CLASP2: variants seen among roughly 807,000 people sequenced by gnomAD.
The protein encoded by CLASP2 is cytoplasmic linker associated protein 2.
In CLASP2, 47 loss-of-function variants were observed where a neutral mutation model predicts 194.4. The observed-to-expected ratio is 0.24, with a 90% confidence interval of 0.19 to 0.31. CLASP2 has a LOEUF of 0.31. CLASP2 is among the 10% of genes least tolerant of loss of function. The pLI is 1.00. For missense variants in CLASP2, 1,445 were observed against 1,823.6 expected (o/e 0.79, Z 3.78); for synonymous variants, 619 against 633.5 (o/e 0.98, Z 0.34).
chr3:33,619,846 T>G (rs2076832428), intron 11 of CLASP2, 108 bp from the exon 12 acceptor site: 1 of 981,066 alleles, frequency 1.0e-6, no homozygotes, highest in African/African-American at 1.7e-5. Context: ...AATTTGTATT[T>G]TAATCAGTTG....
chr3:33,505,428 T>C (rs1444712677), intron 37 of CLASP2: 2 of 152,084 alleles, frequency 1.3e-5, no homozygotes, highest in Non-Finnish European at 2.9e-5. Flanking sequence ...TTTCAGTACA[T>C]GAAAAAGAAT....
At chr3:33,596,664 C>A in intron 19 of CLASP2, 47 bp downstream of exon 19, 1 of 1,344,300 alleles carries the variant, frequency 7.4e-7, no homozygotes, top group Non-Finnish European at 1.0e-6. Context: ...ATATAGAATC[C>A]AGGTTCCATA....
chr3:33,576,298 A>C, intron 23 of CLASP2, 23 bp from the exon 24 acceptor site: 1 of 1,583,634 alleles, frequency 6.3e-7, no homozygotes, highest in Admixed American at 1.7e-5. Context: ...AAGAAGGAAA[A>C]TAGATTTGAA....
chr3:33,667,977 T>C (rs917329804), intron 6 of CLASP2, among the ~76,000 whole-genome samples: 1 of 152,166 alleles, frequency 6.6e-6, no homozygotes, highest in African/African-American at 2.4e-5. Flanking sequence ...CCCAGCACTT[T>C]GGGAGGCTGA....
Position 33,717,969 on chromosome 3 carries a change from G to T in CLASP2, c.34C>A (p.Gln12Lys), listed in dbSNP as rs895184354. The change falls in exon 1 of 39, where the codon CAG (glutamine) becomes AAG (lysine). Residue 12 changes from glutamine to lysine, a missense_variant. This residue lies in a region of CLASP2 where 332 missense variants were observed against 325.3 expected (regional missense o/e 1.02). Coordinates refer to ENST00000682230, the MANE Select transcript of CLASP2 (RefSeq NM_001365631.1). ...CCGCCGACGTCCTTCTGCTGCACCT[G>T]GGCGCAGAAGTACTCCATGCTGCGG... The part of the protein sequence containing the change: ...EPRSMEYFCA[Q>K]VQQKDVGGRL... 14 of 1,541,256 alleles carry T rather than the reference G, an allele frequency of 9.1e-6. No homozygotes were observed. The highest frequency in any genetic ancestry group is 1.2e-5 in the Non-Finnish European group (14 of 1,145,738).
chr3:33,673,572 GATC>G (rs2087845360), intron 6 of CLASP2, among the ~76,000 whole-genome samples: 1 of 152,020 alleles, frequency 6.6e-6, no homozygotes, highest in Admixed American at 6.5e-5. Flanking sequence ...ATAATGACAG[GATC>G]AAATTCACAC....
At chr3:33,706,353 T>C (rs2092684671) in intron 1 of CLASP2, among the ~76,000 whole-genome samples, 1 of 152,228 alleles carries the variant, frequency 6.6e-6, no homozygotes, top group Non-Finnish European at 1.5e-5. Context: ...TATTTGAAGA[T>C]ATCTTCTTTT....
rs115396290 is a variant in CLASP2 at position 33,717,898 on chromosome 3, G to A, written c.105C>T (p.Pro35=). 5.8e-6 allele frequency: 9 copies of A among 1,555,320 alleles called. No individual in the cohort carries two copies. The South Asian group carries it at 5.9e-5, about 10-fold the overall frequency. ...GQELLLYLGA[P]GAISDLEEDL... ...CCTCCTCCAGGTCCGAGATGGCGCC[G>A]GGGGCGCCAAGGTAGAGCAGGAGCT... Residue 35 remains proline, a synonymous_variant, in exon 1 of 39, where the codon CCC becomes CCT. Transcript: ENST00000682230.
At chr3:33,587,376 G>A (rs1283478107) in intron 21 of CLASP2, among the ~76,000 whole-genome samples, 2 of 152,042 alleles carry the variant, frequency 1.3e-5, no homozygotes, top group African/African-American at 4.8e-5. Context: ...CGCCTGCCTC[G>A]GCCTCCCAAA....
At chr3:33,510,416 G>C (rs1188235253) in intron 37 of CLASP2, 142 bp downstream of exon 37, 2 of 722,850 alleles carry the variant, frequency 2.8e-6, no homozygotes, top group Non-Finnish European at 4.6e-6. Flanking sequence ...CCCCTGGCTA[G>C]TTATGAAAAG....
chr3:33,670,700 C>A (rs2086997820), intron 6 of CLASP2, among the ~76,000 whole-genome samples: 1 of 152,150 alleles, frequency 6.6e-6, no homozygotes, highest in Non-Finnish European at 1.5e-5. Context: ...GTAGGAAAAC[C>A]TGACCTGTAG....
At chr3:33,517,258 C>T in intron 34 of CLASP2, 84 bp from the exon 35 acceptor site, 1 of 997,144 alleles carries the variant, frequency 1.0e-6, no homozygotes, top group Non-Finnish European at 1.4e-6. Flanking sequence ...TATGATGAAA[C>T]ACAGATATAA....
chr3:33,559,787 G>A (rs1054493590), intron 28 of CLASP2, among the ~76,000 whole-genome samples: 2 of 152,030 alleles, frequency 1.3e-5, no homozygotes, highest in African/African-American at 4.8e-5. Context: ...TCAGCTACTC[G>A]GGAGGCTGAG....
In CLASP2 at chr3:33,548,769, T is replaced by C. The variant is rs1390359918; in HGVS notation, c.3153+2483A>G. On this transcript the variant is annotated intron_variant, in intron 30 of 38. Transcript: ENST00000682230. ...AACGACTACGGTTTCATTTCTTTTTTTTTTTTTTTTTTTTTTTGAGTTGGG... is the reference window on the plus strand; with the variant it reads ...AACGACTACGGTTTCATTTCTTTTTCTTTTTTTTTTTTTTTTTGAGTTGGG... Among the ~76,000 whole-genome samples, 1,243 of 142,480 alleles carry C rather than the reference T, an allele frequency of 8.7e-3. 24 individuals carry two copies. Among genetic ancestry groups the C allele is most frequent in the African/African-American group, 0.031 (1,170 of 38,258 alleles). The allele number at this position is 142,480 out of a possible 152,430, so 93.5% of individuals were successfully genotyped here.
chr3:33,680,740 G>C (rs1302700419), intron 6 of CLASP2, among the ~76,000 whole-genome samples: 2 of 152,124 alleles, frequency 1.3e-5, no homozygotes, highest in Non-Finnish European at 2.9e-5. Context: ...GGGGCCAAGA[G>C]GTTGAGGCTG....
intron 13 of CLASP2, among the ~76,000 whole-genome samples, chr3:33,610,410 T>C (rs116724167): frequency 0.018 from 2,744 of 152,356 alleles, 77 homozygotes; most frequent in African/African-American, 0.062. Context: ...CAGGGGCCTA[T>C]CTGATGGCTC....
intron 1 of CLASP2, among the ~76,000 whole-genome samples, chr3:33,699,564 T>TA (rs1402795872): frequency 6.6e-6 from 1 of 152,138 alleles, no homozygotes; most frequent in Non-Finnish European, 1.5e-5. Context: ...TACAGTATAG[T>TA]AGTCCCCCCT....
intron 1 of CLASP2, among the ~76,000 whole-genome samples, chr3:33,708,284 C>CT (rs751468783): frequency 0.021 from 2,944 of 140,630 alleles, 50 homozygotes; most frequent in African/African-American, 0.051. Context: ...ATAAATTTGA[C>CT]TTTTTTTTTT....
chr3:33,527,495 A>C (rs891507754), intron 34 of CLASP2, among the ~76,000 whole-genome samples: 1 of 152,172 alleles, frequency 6.6e-6, no homozygotes, highest in East Asian at 1.9e-4. Context: ...AATAATAATA[A>C]AGCATGGGAT....
Sources: gnomAD v4.1 joint callset for allele counts (sites outside exome capture counted in the v4.1 genomes callset) on GRCh38, gnomAD v4.1.1 for gene constraint, gnomAD v4.1.1 regional missense constraint, MANE v1.5 for transcripts, NCBI Gene and HGNC (gene_info 2026-07-23, HGNC 2026-07-21) for gene names.